Variants in HIP1 observed in about 807,000 individuals in gnomAD.
HIP1 encodes huntingtin-interacting protein 1.
In HIP1, 65 loss-of-function variants were observed where a neutral mutation model predicts 147.6. That is an observed-to-expected ratio of 0.44 (90% CI 0.36 to 0.54). The LOEUF is 0.54. Ranked by LOEUF, HIP1 falls within the 20% of genes least tolerant of loss-of-function variation. The pLI is 0.00. For synonymous variants in HIP1, 479 were observed against 504.0 expected (o/e 0.95, Z 0.67); for missense variants, 1,061 against 1,299.6 (o/e 0.82, Z 2.82).
chr7:75,564,188 G>A (rs2116851671), intron 9 of HIP1, among the ~76,000 whole-genome samples: 1 of 152,196 alleles, frequency 6.6e-6, no homozygotes, highest in East Asian at 1.9e-4. Context: ...CACCACATCT[G>A]GCAAAATCAA....
At chr7:75,588,795 TC>T (rs1796373085) in intron 4 of HIP1, among the ~76,000 whole-genome samples, 1 of 150,164 alleles carries the variant, frequency 6.7e-6, no homozygotes, top group African/African-American at 2.5e-5. Context: ...ACAACCACCT[TC>T]CCCCGCAAAA....
intron 5 of HIP1, among the ~76,000 whole-genome samples, chr7:75,585,055 G>A (rs1554499283): frequency 6.6e-6 from 1 of 151,904 alleles, no homozygotes; most frequent in African/African-American, 2.4e-5. Context: ...TCACTATGTT[G>A]GTCAGGCTGG....
intron 14 of HIP1, among the ~76,000 whole-genome samples, chr7:75,559,095 T>TG (rs1169382329): frequency 1.2e-4 from 18 of 152,308 alleles, no homozygotes; most frequent in African/African-American, 3.6e-4. Flanking sequence ...ATTTATTCTA[T>TG]GGGGGCTTTC....
chr7:75,546,077 A>C (rs587607190), intron 25 of HIP1, among the ~76,000 whole-genome samples: 1 of 152,224 alleles, frequency 6.6e-6, no homozygotes, highest in African/African-American at 2.4e-5. Flanking sequence ...CATTTCTACC[A>C]TACCATGACA....
chr7:75,565,142 G>A (rs587751931), intron 9 of HIP1, among the ~76,000 whole-genome samples: 3 of 152,146 alleles, frequency 2.0e-5, no homozygotes, highest in Non-Finnish European at 2.9e-5. Flanking sequence ...CCAGGGTCTC[G>A]TTACAGCCTG....
chr7:75,678,900 C>T (rs1250335421), intron 1 of HIP1, among the ~76,000 whole-genome samples: 3 of 152,150 alleles, frequency 2.0e-5, no homozygotes, highest in Non-Finnish European at 4.4e-5. Flanking sequence ...AAGTCAGTAC[C>T]TTGATAAGCA....
rs781821354 is a variant in HIP1 at position 75,563,083 on chromosome 7, C to T, written c.880-8G>A. 21 of 1,614,120 alleles carry T rather than the reference C, an allele frequency of 1.3e-5. 1 individual carries two copies. In the Admixed American group the frequency reaches 1.3e-4, roughly 10 times the overall value. On this transcript the variant is annotated splice_polypyrimidine_tract_variant and splice_region_variant and intron_variant, in intron 10 of 30. Transcript: ENST00000336926. ...CAGGAAGTTGGGTGGGTTCTGAAGA[C>T]GGAGACACATCCTCAAATAGTGCTT...
At chr7:75,680,065 C>T (rs13239883) in intron 1 of HIP1, among the ~76,000 whole-genome samples, 48,357 of 151,928 alleles carry the variant, frequency 0.32, 7,963 homozygotes, top group South Asian at 0.36. Flanking sequence ...TTCATTGAGA[C>T]AGAGTCTCAC....
At chr7:75,539,684 T>C (rs1794232685) in intron 29 of HIP1, among the ~76,000 whole-genome samples, 1 of 152,186 alleles carries the variant, frequency 6.6e-6, no homozygotes, top group Non-Finnish European at 1.5e-5. Flanking sequence ...TTCCATATTA[T>C]TCACCGTTTC....
chr7:75,645,262 T>G lies in HIP1; in HGVS notation c.121-46015A>C, dbSNP rs574830872. On this transcript the variant is annotated intron_variant, in intron 1 of 30. Transcript: ENST00000336926. ...ATTTTTTGAGACGAAGTTTCACTCT[T>G]GTTCCCCAGGCTGGAGTGCAATGGT... Among the ~76,000 whole-genome samples the G allele has an allele frequency of 7.4e-4, 112 of 152,330 alleles. 1 individual carries two copies. The highest frequency in any genetic ancestry group is 1.4e-3 in the South Asian group (7 of 4,828).
intron 1 of HIP1, among the ~76,000 whole-genome samples, chr7:75,643,892 C>T (rs1798724803): frequency 6.6e-6 from 1 of 152,116 alleles, no homozygotes; most frequent in East Asian, 1.9e-4. Context: ...CTCAGCTACT[C>T]GAGAGGTTGA....
chr7:75,639,820 A>C (rs1798588467), intron 1 of HIP1, among the ~76,000 whole-genome samples: 1 of 152,086 alleles, frequency 6.6e-6, no homozygotes, highest in African/African-American at 2.4e-5. Context: ...TCCTGCGGCT[A>C]ATCTGGAGGG....
intron 1 of HIP1, among the ~76,000 whole-genome samples, chr7:75,662,017 G>T (rs1554513693): frequency 2.0e-5 from 3 of 151,320 alleles, no homozygotes; most frequent in Admixed American, 6.6e-5. Context: ...GAGTGGACAG[G>T]GTCTCTGAGG....
chr7:75,547,460 T>G (rs1554491244), intron 24 of HIP1, among the ~76,000 whole-genome samples: 1 of 151,978 alleles, frequency 6.6e-6, no homozygotes, highest in African/African-American at 2.4e-5. Flanking sequence ...TAAAGATGAC[T>G]TTTCACCACA....
intron 5 of HIP1, among the ~76,000 whole-genome samples, chr7:75,583,031 C>A (rs182116227): frequency 7.2e-5 from 11 of 152,282 alleles, no homozygotes; most frequent in Admixed American, 6.5e-4. Flanking sequence ...GCCCAGACCT[C>A]CCCACACCAG....
chr7:75,643,806 C>T (rs1563265698), intron 1 of HIP1, among the ~76,000 whole-genome samples: 1 of 152,126 alleles, frequency 6.6e-6, no homozygotes, highest in Non-Finnish European at 1.5e-5. Flanking sequence ...TCAAAACTAG[C>T]CTGGCCAGCA....
intron 1 of HIP1, among the ~76,000 whole-genome samples, chr7:75,719,429 G>T (rs1400989195): frequency 6.6e-6 from 1 of 151,702 alleles, no homozygotes; most frequent in African/African-American, 2.4e-5. Flanking sequence ...GCGGGAACCC[G>T]GAAGGTGGAG....
chr7:75,716,695 T>A (rs1200575005), intron 1 of HIP1, among the ~76,000 whole-genome samples: 9 of 151,574 alleles, frequency 5.9e-5, no homozygotes, highest in African/African-American at 2.2e-4. Context: ...AATTTTTTTG[T>A]ATTTTTAGTA....
intron 7 of HIP1, among the ~76,000 whole-genome samples, chr7:75,575,694 C>T (rs1265330933): frequency 2.6e-5 from 4 of 152,016 alleles, no homozygotes; most frequent in South Asian, 2.1e-4. Flanking sequence ...AGCAACTGGC[C>T]GTCTGGCTGC....
Sources: allele counts gnomAD v4.1 joint callset (sites outside exome capture counted in the v4.1 genomes callset), GRCh38; gene constraint gnomAD v4.1.1; transcripts MANE v1.5; gene names NCBI Gene and HGNC (gene_info 2026-07-23, HGNC 2026-07-21).